Variants in TGFA observed in about 807,000 individuals in gnomAD.
TGFA encodes the protein protransforming growth factor alpha.
In TGFA, 12 loss-of-function variants were observed where a neutral mutation model predicts 21.7. The ratio of observed to expected loss-of-function variants is 0.55; its 90% confidence interval spans 0.35 to 0.90. The LOEUF (loss-of-function observed/expected upper bound fraction) is 0.90. Ranked by LOEUF, TGFA falls within the 40% of genes least tolerant of loss-of-function variation. The probability of loss-of-function intolerance (pLI) is 0.01; values close to 1 mark genes in which losing one functional copy is unlikely to be tolerated. For synonymous variants in TGFA, 79 were observed against 88.1 expected, an observed-to-expected ratio of 0.90 and a Z score of 0.58; for missense variants, 178 against 210.8, an observed-to-expected ratio of 0.84 and a Z score of 0.96.
At chr2:70,489,373 T>C (rs1242313784) in intron 2 of TGFA, among the ~76,000 whole-genome samples, 2 of 152,174 alleles carry the variant, frequency 1.3e-5, no homozygotes, top group Non-Finnish European at 2.9e-5. Context: ...TACTAAAATC[T>C]CTCAACACCA....
At chr2:70,511,395 T>C (rs1009842020) in intron 2 of TGFA, among the ~76,000 whole-genome samples, 3 of 152,190 alleles carry the variant, frequency 2.0e-5, no homozygotes, top group Admixed American at 2.0e-4. Flanking sequence ...ATCCAGAGCA[T>C]TGGGAGTTAG....
At chr2:70,490,567 T>A (rs955968679) in intron 2 of TGFA, among the ~76,000 whole-genome samples, 12 of 152,380 alleles carry the variant, frequency 7.9e-5, no homozygotes, top group Non-Finnish European at 1.6e-4. Context: ...TTAATGCAGT[T>A]GGACATCAAT....
chr2:70,499,294 C>G (rs968815506), intron 2 of TGFA, among the ~76,000 whole-genome samples: 16 of 152,206 alleles, frequency 1.1e-4, no homozygotes, highest in African/African-American at 3.9e-4. Context: ...AATGTGAGCA[C>G]TGACAAGTAA....
At chr2:70,468,296 TG>T (rs1670632414) in intron 2 of TGFA, 1 of 152,206 alleles carries the variant, frequency 6.6e-6, no homozygotes, top group South Asian at 2.1e-4. Context: ...GATATCGACC[TG>T]GGGCTGCTGG....
At chr2:70,515,138 A>G (rs1174888864) in intron 1 of TGFA, among the ~76,000 whole-genome samples, 3 of 152,232 alleles carry the variant, frequency 2.0e-5, no homozygotes, top group African/African-American at 7.2e-5. Flanking sequence ...ACTGAAATCC[A>G]GAGCCTTCCA....
At chr2:70,530,555 C>T (rs2103902087) in intron 1 of TGFA, among the ~76,000 whole-genome samples, 1 of 152,346 alleles carries the variant, frequency 6.6e-6, no homozygotes, top group South Asian at 2.1e-4. Context: ...TGTGTTGGGC[C>T]ACATTCAAAG....
chr2:70,450,850 C>G lies in TGFA; in HGVS notation c.*9G>C, dbSNP rs782027272. ...CAGTCCACCTGGCCAAACTCCTCCTCTGGGCTCTTCAGACCACTGGCAGGA... is the reference window on the plus strand; with the variant it reads ...CAGTCCACCTGGCCAAACTCCTCCTGTGGGCTCTTCAGACCACTGGCAGGA... On this transcript the variant is annotated 3_prime_UTR_variant, in exon 6 of 6. Transcript: ENST00000295400. The G allele has an allele frequency of 6.2e-7, 1 of 1,609,826 alleles. No individual in the cohort carries two copies. The highest frequency in any genetic ancestry group is 1.1e-5 in the South Asian group (1 of 89,962).
intron 2 of TGFA, among the ~76,000 whole-genome samples, chr2:70,486,328 T>C (rs1157208241): frequency 6.6e-6 from 1 of 152,158 alleles, no homozygotes; most frequent in Non-Finnish European, 1.5e-5. Context: ...TCTGAGTACC[T>C]CTAAGGTATA....
Position 70,514,885 on chromosome 2 carries a change from A to G in TGFA, c.68T>C (p.Leu23Ser). ...ACTCAGCGGGGACGTGCTGTTCTCC[A>G]AGGCCTGGCACGCAGCCAACACAAT... is the stretch of plus-strand genomic sequence containing the variant. ...LGIVLAACQA[L>S]ENSTSPLSAD... is the part of the protein sequence containing the mutation. Residue 23 changes from leucine (L) to serine (S), a missense_variant, in exon 2 of 6, where the codon TTG (leucine) becomes TCG (serine). By Grantham distance (145) the Leu-to-Ser change is moderately radical. Coordinates refer to ENST00000295400, the MANE Select transcript of TGFA (RefSeq NM_003236.4). 1.2e-6 allele frequency: 2 copies of G among 1,614,054 alleles called. No individual in the cohort carries two copies. Among genetic ancestry groups the G allele is most frequent in the Non-Finnish European group, 1.7e-6 (2 of 1,180,012 alleles).
chr2:70,496,279 G>A (rs1260897470), intron 2 of TGFA, among the ~76,000 whole-genome samples: 2 of 151,744 alleles, frequency 1.3e-5, no homozygotes, highest in Non-Finnish European at 2.9e-5. Context: ...AGAGTCATTC[G>A]TAATCTTCAC....
In TGFA at chr2:70,465,733, T is replaced by C; in HGVS notation, c.98A>G (p.Asp33Gly). ...LENSTSPLSA[D>G]PPVAAAVVSH... ...CACCACTGCTGCAGCCACGGGCGGG[T>C]CTGCTGGGGAGAGGAAAGATGCAGG... is the stretch of plus-strand genomic sequence containing the variant. The change falls in exon 3 of 6, where the codon GAC (aspartate) becomes GGC (glycine). Residue 33 changes from aspartate (D) to glycine (G), a missense_variant. Asp to Gly is a moderately conservative substitution (Grantham distance 94). Coordinates refer to ENST00000295400, the MANE Select transcript of TGFA (RefSeq NM_003236.4). The C allele has an allele frequency of 6.2e-7, 1 of 1,613,692 alleles. No homozygotes were observed. The highest frequency in any genetic ancestry group is 8.5e-7 in the Non-Finnish European group (1 of 1,179,904).
chr2:70,553,007 G>A (rs1553507047), intron 1 of TGFA, among the ~76,000 whole-genome samples: 2 of 152,220 alleles, frequency 1.3e-5, no homozygotes, highest in African/African-American at 2.4e-5. Flanking sequence ...ACCCGGGAGA[G>A]GGGTTTAACT....
At chr2:70,503,765 T>G (rs192779260) in intron 2 of TGFA, among the ~76,000 whole-genome samples, 2 of 152,324 alleles carry the variant, frequency 1.3e-5, no homozygotes, top group African/African-American at 4.8e-5. Flanking sequence ...TCCTCACATG[T>G]TAATGAGAAG....
intron 1 of TGFA, among the ~76,000 whole-genome samples, chr2:70,531,667 C>T (rs1045683639): frequency 3.3e-5 from 5 of 152,214 alleles, no homozygotes; most frequent in Admixed American, 6.5e-5. Context: ...TCCTTCTAAA[C>T]AGCCACTTCC....
At chr2:70,495,969 G>A (rs11466226) in intron 2 of TGFA, among the ~76,000 whole-genome samples, 1,542 of 152,190 alleles carry the variant, frequency 0.01, 24 homozygotes, top group African/African-American at 0.034. Context: ...CAGTTTGTGC[G>A]TGCTTCCTTG....
At chr2:70,473,922 G>T (rs536743679) in intron 2 of TGFA, among the ~76,000 whole-genome samples, 33 of 152,140 alleles carry the variant, frequency 2.2e-4, no homozygotes, top group African/African-American at 7.9e-4. Context: ...GGTGGGGTGG[G>T]GCAGGGCCAT....
At chr2:70,504,451 T>TATATATATACATAC (rs1671845099) in intron 2 of TGFA, among the ~76,000 whole-genome samples, 2 of 71,324 alleles carry the variant, frequency 2.8e-5, no homozygotes, top group Non-Finnish European at 4.9e-5. Flanking sequence ...TATATATATA[T>TATATATATACATAC]ATATATATAT....
At chr2:70,521,752 C>T (rs1179293076) in intron 1 of TGFA, among the ~76,000 whole-genome samples, 1 of 150,936 alleles carries the variant, frequency 6.6e-6, no homozygotes, top group Admixed American at 6.6e-5. Flanking sequence ...GTAGCTGGGA[C>T]CACAGGCACG....
chr2:70,454,074 A>G (rs1475022077), intron 4 of TGFA, among the ~76,000 whole-genome samples: 1 of 151,980 alleles, frequency 6.6e-6, no homozygotes, highest in Non-Finnish European at 1.5e-5. Context: ...CACAGACGCT[A>G]CCAGCCATTT....
Sources: allele counts gnomAD v4.1 joint callset (sites outside exome capture counted in the v4.1 genomes callset), GRCh38; gene constraint gnomAD v4.1.1; transcripts MANE v1.5; gene names NCBI Gene and HGNC (gene_info 2026-07-23, HGNC 2026-07-21).